CHRM5: variants seen among roughly 807,000 people sequenced by gnomAD.
CHRM5 encodes muscarinic acetylcholine receptor M5.
CHRM5 carries 18 observed loss-of-function variants against 39.0 expected under a neutral mutation model. That is an observed-to-expected ratio of 0.46 (90% CI 0.32 to 0.68). The LOEUF (loss-of-function observed/expected upper bound fraction) is 0.68. Among genes scored for constraint, CHRM5 ranks in the 30% least tolerant of loss-of-function variants. The pLI, the probability that CHRM5 is intolerant of heterozygous loss-of-function variation, is 0.04. For missense variants in CHRM5, 515 were observed against 651.1 expected, an observed-to-expected ratio of 0.79 and a Z score of 2.28; for synonymous variants, 241 against 246.3, an observed-to-expected ratio of 0.98 and a Z score of 0.20.
At chr15:33,995,004 G>C (rs1052719520) in intron 1 of CHRM5, among the ~76,000 whole-genome samples, 4 of 152,190 alleles carry the variant, frequency 2.6e-5, no homozygotes, top group Non-Finnish European at 1.5e-5. Flanking sequence ...GCTCACACCT[G>C]TAATCTCAGC....
At chr15:33,997,039 G>T (rs991755) in intron 1 of CHRM5, among the ~76,000 whole-genome samples, 31,772 of 152,102 alleles carry the variant, frequency 0.21, 5,105 homozygotes, top group African/African-American at 0.45. Context: ...GAAAACCATG[G>T]CACAAGAATG....
intron 1 of CHRM5, among the ~76,000 whole-genome samples, chr15:34,004,710 A>G (rs1012351602): frequency 6.6e-6 from 1 of 152,208 alleles, no homozygotes; most frequent in Admixed American, 6.5e-5. Context: ...GTGGATAGAC[A>G]TGAAATATAC....
chr15:34,033,042 T>C lies in CHRM5; in HGVS notation c.-407-13498T>C, dbSNP rs1898936252. Among the ~76,000 whole-genome samples the C allele has an allele frequency of 2.0e-5, 3 of 152,320 alleles. 1 individual carries two copies. The South Asian group carries it at 6.2e-4, about 32-fold the overall frequency. On this transcript the variant is annotated intron_variant, in intron 1 of 2. Transcript: ENST00000383263. ...CAAAACTCCAACATTCCCATCTACC[T>C]ATTTATGTGAACAATGTTTCTCAAT...
intron 1 of CHRM5, among the ~76,000 whole-genome samples, chr15:33,999,865 C>T (rs1897072156): frequency 6.6e-6 from 1 of 152,212 alleles, no homozygotes. Flanking sequence ...TGTTATATCA[C>T]TCTTCTCTTC....
chr15:33,990,601 C>G lies in CHRM5; in HGVS notation c.-408+21451C>G, dbSNP rs1382145597. The G allele has an allele frequency of 2.6e-5, 4 of 152,326 alleles. No homozygotes were observed. The East Asian group carries it at 7.7e-4, about 29-fold the overall frequency. 9.4% of individuals were successfully genotyped at this position (152,326 alleles called of 1,614,324 possible). Reference sequence around the variant, plus strand: ...TAATAAACATTTAAAAATAAACAGTCCTTCATGTGAACTTGAAAGTACAGT... The same window carrying G: ...TAATAAACATTTAAAAATAAACAGTGCTTCATGTGAACTTGAAAGTACAGT... On this transcript the variant is annotated intron_variant, in intron 1 of 2. Transcript: ENST00000383263.
At chr15:33,981,209 T>C (rs563728645) in intron 1 of CHRM5, among the ~76,000 whole-genome samples, 2 of 152,340 alleles carry the variant, frequency 1.3e-5, no homozygotes, top group East Asian at 3.9e-4. Flanking sequence ...TCAATTTTCC[T>C]AAAAAATATG....
At chr15:34,023,557 A>G (rs1898306179) in intron 1 of CHRM5, among the ~76,000 whole-genome samples, 1 of 152,076 alleles carries the variant, frequency 6.6e-6, no homozygotes, top group Admixed American at 6.6e-5. Flanking sequence ...TCAGTGCACA[A>G]TTTCTTAACC....
At chr15:34,016,014 T>C (rs1020567318) in intron 1 of CHRM5, among the ~76,000 whole-genome samples, 11 of 152,142 alleles carry the variant, frequency 7.2e-5, no homozygotes, top group African/African-American at 1.9e-4. Flanking sequence ...CGGTGGCTCA[T>C]GCCTGTAATC....
rs202211755 is a variant in CHRM5 at position 33,992,555 on chromosome 15, T to C, written c.-408+23405T>C. 4.6e-5 allele frequency among the ~76,000 whole-genome samples: 7 copies of C among 152,362 alleles called. No individual in the cohort carries two copies. The East Asian group carries it at 1.3e-3, about 29-fold the overall frequency. On this transcript the variant is annotated intron_variant, in intron 1 of 2. Transcript: ENST00000383263. ...GAACAAATTTTTTAATTTATAGTTC[T>C]GTTTGTGTTATTTCAGATGTTTTAA...
chr15:34,047,681 A>G (rs939629271), intron 2 of CHRM5, among the ~76,000 whole-genome samples: 3 of 152,174 alleles, frequency 2.0e-5, no homozygotes, highest in Admixed American at 2.0e-4. Context: ...CAGTCCAGAC[A>G]AGGAAAGGTC....
chr15:34,042,975 C>T (rs897546116), intron 1 of CHRM5, among the ~76,000 whole-genome samples: 4 of 151,876 alleles, frequency 2.6e-5, no homozygotes, highest in East Asian at 2.0e-4. Flanking sequence ...TGGCCAGGCG[C>T]GGTGGCTCAC....
intron 1 of CHRM5, among the ~76,000 whole-genome samples, chr15:34,043,555 A>G (rs2248145): frequency 0.98 from 148,781 of 152,222 alleles, 72,804 homozygotes; most frequent in East Asian, 1. Flanking sequence ...ACAGGGGGAG[A>G]GACTCTGGCA....
At chr15:34,043,371 CT>C (rs1238389388) in intron 1 of CHRM5, among the ~76,000 whole-genome samples, 1 of 152,134 alleles carries the variant, frequency 6.6e-6, no homozygotes, top group Non-Finnish European at 1.5e-5. Context: ...GGGAAAGTAC[CT>C]CTTCCTGATT....
chr15:34,040,186 C>T (rs1899408021), intron 1 of CHRM5, among the ~76,000 whole-genome samples: 1 of 152,098 alleles, frequency 6.6e-6, no homozygotes, highest in Admixed American at 6.5e-5. Context: ...AAAAACCTTG[C>T]CCCTGCCCTC....
chr15:34,062,623 T>C lies in CHRM5; in HGVS notation c.-75-20T>C. 2 of 1,116,074 alleles carry C rather than the reference T, an allele frequency of 1.8e-6. No homozygotes were observed. The highest frequency in any genetic ancestry group is 2.6e-6 in the Non-Finnish European group (2 of 777,408). 69.1% of individuals were successfully genotyped at this position (1,116,074 alleles called of 1,614,324 possible). A position where few individuals can be genotyped will look rare whatever the true frequency, so the allele number is the denominator to read the frequency against. On this transcript the variant is annotated intron_variant, in intron 2 of 2. Transcript: ENST00000383263. ...AAATCATGCTGGTGTGCGAAGCTAA[T>C]GTGTTTCCCTCTCTTCCAGATGCTG...
chr15:34,060,649 G>C (rs894715026), intron 2 of CHRM5, among the ~76,000 whole-genome samples: 27 of 152,344 alleles, frequency 1.8e-4, no homozygotes, highest in African/African-American at 6.0e-4. Flanking sequence ...GCTGAGGTGG[G>C]TGGATCGCCT....
chr15:34,054,585 G>A (rs1465043772), intron 2 of CHRM5, among the ~76,000 whole-genome samples: 3 of 152,108 alleles, frequency 2.0e-5, no homozygotes, highest in Non-Finnish European at 2.9e-5. Context: ...AACAGAAAAC[G>A]AAAACTAAAC....
chr15:34,039,696 C>T (rs1899384576), intron 1 of CHRM5, among the ~76,000 whole-genome samples: 1 of 152,134 alleles, frequency 6.6e-6, no homozygotes, highest in Non-Finnish European at 1.5e-5. Flanking sequence ...GCGTCAAAGT[C>T]CTCAGCAGAA....
In CHRM5 at chr15:34,063,939, C is replaced by T; in HGVS notation, c.1222C>T (p.Pro408Ser). The T allele has an allele frequency of 6.2e-7, 1 of 1,614,154 alleles. No homozygotes were observed. The highest frequency in any genetic ancestry group is 8.5e-7 in the Non-Finnish European group (1 of 1,180,018). ...HKVKIMPCPFPVAKEPSTKGL... is the reference protein window; with the variant it reads ...HKVKIMPCPFSVAKEPSTKGL... ...GGTGAAAATCATGCCCTGCCCCTTCCCAGTGGCCAAGGAACCTTCAACGAA... is the reference window on the plus strand; with the variant it reads ...GGTGAAAATCATGCCCTGCCCCTTCTCAGTGGCCAAGGAACCTTCAACGAA... Residue 408 changes from proline to serine, a missense_variant, in exon 3 of 3, where the codon CCA becomes TCA. Pro to Ser is a moderately conservative substitution (Grantham distance 74). Coordinates refer to ENST00000383263, the MANE Select transcript of CHRM5 (RefSeq NM_012125.4). The surrounding 1 kb of genome is among the most constrained non-coding windows in gnomAD (Gnocchi z 4.1).
Sources: gnomAD v4.1 joint callset for allele counts (sites outside exome capture counted in the v4.1 genomes callset) on GRCh38, gnomAD v4.1.1 for gene constraint, Gnocchi (gnomAD v3.1) non-coding constraint, MANE v1.5 for transcripts, NCBI Gene and HGNC (gene_info 2026-07-23, HGNC 2026-07-21) for gene names.